The following CLMP variants were observed in gnomAD, a reference collection of about 807,000 sequenced individuals.
CLMP encodes the protein CXADR like cell adhesion molecule.
In CLMP, 27 loss-of-function variants were observed where a neutral mutation model predicts 45.2. That is an observed-to-expected ratio of 0.60 (90% confidence interval 0.44 to 0.82). CLMP has a LOEUF of 0.82. Among genes scored for constraint, CLMP ranks in the 40% least tolerant of loss-of-function variants. The pLI is 0.00. For missense variants in CLMP, 403 were observed against 448.4 expected (o/e 0.90, Z 0.91); for synonymous variants, 167 against 171.4 (o/e 0.97, Z 0.20).
chr11:123,098,737 C>T (rs1193802728), intron 1 of CLMP, among the ~76,000 whole-genome samples: 1 of 139,830 alleles, frequency 7.2e-6, no homozygotes, highest in Non-Finnish European at 1.5e-5. Flanking sequence ...GATAGAGTCT[C>T]GCTCTGTCAC....
chr11:123,106,893 G>A (rs1227820128), intron 1 of CLMP, among the ~76,000 whole-genome samples: 2 of 151,764 alleles, frequency 1.3e-5, no homozygotes, highest in African/African-American at 2.4e-5. Context: ...GGTGGTGGGC[G>A]CCTGTAGTCC....
intron 1 of CLMP, among the ~76,000 whole-genome samples, chr11:123,115,974 T>A (rs1214111988): frequency 2.0e-5 from 3 of 152,014 alleles, no homozygotes; most frequent in African/African-American, 7.2e-5. Context: ...AAGGCTCGCA[T>A]GAGGTGGAGG....
intron 1 of CLMP, among the ~76,000 whole-genome samples, chr11:123,107,426 T>C (rs1357596702): frequency 1.3e-5 from 2 of 151,908 alleles, no homozygotes; most frequent in African/African-American, 2.4e-5. Context: ...AGATGGGCTT[T>C]CACCGTGTTG....
At chr11:123,114,205 A>G (rs1860686772) in intron 1 of CLMP, among the ~76,000 whole-genome samples, 1 of 152,218 alleles carries the variant, frequency 6.6e-6, no homozygotes, top group African/African-American at 2.4e-5. Context: ...TTAGGGATCC[A>G]TGGCCAGGAA....
At chr11:123,094,299 G>T (rs1438469214) in intron 2 of CLMP, among the ~76,000 whole-genome samples, 2 of 152,138 alleles carry the variant, frequency 1.3e-5, no homozygotes, top group African/African-American at 4.8e-5. Context: ...TAGAGGTGGG[G>T]TTTCACCATG....
In CLMP at chr11:123,137,940, G is replaced by A. The variant is rs559892568; in HGVS notation, c.29-39988C>T. On this transcript the variant is annotated intron_variant, in intron 1 of 6. Transcript: ENST00000448775. ...CTCTAACTAGACCACCAGTATCCCA[G>A]CAGAAAGAGTAGTAATTTTATTTTT... Among the ~76,000 whole-genome samples, 762 of 152,240 alleles carry A rather than the reference G, an allele frequency of 5.0e-3. 4 individuals are homozygous for A. Among genetic ancestry groups the A allele is most frequent in the South Asian group, 0.015 (72 of 4,824 alleles).
chr11:123,111,273 G>T (rs1860633894), intron 1 of CLMP, among the ~76,000 whole-genome samples: 1 of 152,058 alleles, frequency 6.6e-6, no homozygotes, highest in Non-Finnish European at 1.5e-5. Flanking sequence ...TGGGATTACA[G>T]ATGCACACCA....
At chr11:123,105,363 CCCT>C (rs1860527323) in intron 1 of CLMP, among the ~76,000 whole-genome samples, 2 of 124,458 alleles carry the variant, frequency 1.6e-5, no homozygotes. Flanking sequence ...TTCCCTCCCT[CCCT>C]CCCTCCCTCC....
chr11:123,151,124 A>C (rs757245685), intron 1 of CLMP, among the ~76,000 whole-genome samples: 16 of 152,216 alleles, frequency 1.1e-4, no homozygotes, highest in Non-Finnish European at 1.9e-4. Context: ...AGGAAGGAGG[A>C]CCAGCGTGCT....
chr11:123,118,750 C>A (rs907373381), intron 1 of CLMP, among the ~76,000 whole-genome samples: 1 of 152,104 alleles, frequency 6.6e-6, no homozygotes, highest in Non-Finnish European at 1.5e-5. Context: ...AATGCCAAGT[C>A]ATTTCCCCTG....
intron 1 of CLMP, among the ~76,000 whole-genome samples, chr11:123,114,721 AT>A (rs1472059174): frequency 6.6e-6 from 1 of 152,070 alleles, no homozygotes; most frequent in East Asian, 1.9e-4. Context: ...AATAATAGTA[AT>A]TTTTGAGGAC....
Position 123,073,103 on chromosome 11 carries a change from C to A in CLMP, c.*371G>T. 5.7e-6 allele frequency: 1 copy of A among 176,200 alleles called. No individual in the cohort carries two copies. Among genetic ancestry groups the A allele is most frequent in the East Asian group, 1.6e-4 (1 of 6,258 alleles). The allele number at this position is 176,200 out of a possible 1,614,324, so 10.9% of individuals were successfully genotyped here. On this transcript the variant is annotated 3_prime_UTR_variant, in exon 7 of 7. Transcript: ENST00000448775. ...AAATTTACAAACAGCATCCCATTTC[C>A]TCTTGAAAATTGTGAATCAAAGCAC...
chr11:123,168,992 G>A (rs1052214122), intron 1 of CLMP, among the ~76,000 whole-genome samples: 1 of 152,140 alleles, frequency 6.6e-6, no homozygotes, highest in African/African-American at 2.4e-5. Flanking sequence ...AGGGACCCAT[G>A]AATATGAAAG....
At chr11:123,187,262 C>CA (rs774631732) in intron 1 of CLMP, among the ~76,000 whole-genome samples, 17 of 152,164 alleles carry the variant, frequency 1.1e-4, no homozygotes, top group Non-Finnish European at 2.1e-4. Context: ...GCGGTTGCTC[C>CA]ATGGCTGGTC....
intron 1 of CLMP, among the ~76,000 whole-genome samples, chr11:123,172,400 C>G (rs1053518335): frequency 6.6e-6 from 1 of 151,774 alleles, no homozygotes; most frequent in Non-Finnish European, 1.5e-5. Flanking sequence ...CTTGAGCCAC[C>G]GCACCCAGCC....
At chr11:123,143,842 T>G (rs2135519273) in intron 1 of CLMP, among the ~76,000 whole-genome samples, 1 of 150,898 alleles carries the variant, frequency 6.6e-6, no homozygotes, top group East Asian at 1.9e-4. Context: ...GGAGTCTCAC[T>G]CTGTTACTCA....
At chr11:123,166,485 C>T (rs1261886191) in intron 1 of CLMP, among the ~76,000 whole-genome samples, 1 of 152,246 alleles carries the variant, frequency 6.6e-6, no homozygotes, top group Non-Finnish European at 1.5e-5. Flanking sequence ...AGACAGCCTG[C>T]CTGCCTCTTG....
At chr11:123,159,510 CT>C (rs1158062940) in intron 1 of CLMP, among the ~76,000 whole-genome samples, 2 of 152,216 alleles carry the variant, frequency 1.3e-5, no homozygotes, top group African/African-American at 4.8e-5. Flanking sequence ...ACATGAGAAC[CT>C]GTCACTTACT....
At chr11:123,156,569 G>C (rs1293094339) in intron 1 of CLMP, among the ~76,000 whole-genome samples, 2 of 152,210 alleles carry the variant, frequency 1.3e-5, no homozygotes, top group African/African-American at 4.8e-5. Context: ...GATAACTGAT[G>C]GAAGAAGTGA....
Sources: gnomAD v4.1 joint callset for allele counts (sites outside exome capture counted in the v4.1 genomes callset) on GRCh38, gnomAD v4.1.1 for gene constraint, MANE v1.5 for transcripts, NCBI Gene and HGNC (gene_info 2026-07-23, HGNC 2026-07-21) for gene names.